The following SLC28A1 variants were observed in gnomAD, a reference collection of about 807,000 sequenced individuals.
SLC28A1 encodes the protein solute carrier family 28 member 1.
SLC28A1 carries 64 observed loss-of-function variants against 74.8 expected under a neutral mutation model. The ratio of observed to expected loss-of-function variants is 0.86; its 90% CI spans 0.70 to 1.05. SLC28A1 has a LOEUF of 1.05. Ranked by LOEUF, SLC28A1 falls within the 50% of genes least tolerant of loss-of-function variation. SLC28A1 has a pLI of 0.00. For synonymous variants in SLC28A1, 359 were observed against 335.0 expected (o/e 1.07, Z -0.78); for missense variants, 828 against 822.8 (o/e 1.01, Z -0.08).
the SLC28A1 span, among the ~76,000 whole-genome samples, chr15:84,972,892 G>A: frequency 6.6e-6 from 1 of 152,146 alleles, no homozygotes; most frequent in South Asian, 2.1e-4. Context: ...TCTGTGGGAG[G>A]GGTTATTTTT....
chr15:84,897,847 C>A (rs545045421), intron 6 of SLC28A1, among the ~76,000 whole-genome samples: 45 of 152,300 alleles, frequency 3.0e-4, no homozygotes, highest in African/African-American at 9.4e-4. Flanking sequence ...ATAAGATGTA[C>A]TTTTTAAGCT....
At chr15:84,944,491 T>C in intron 16 of SLC28A1, 75 bp from the exon 17 acceptor site, 1 of 979,270 alleles carries the variant, frequency 1.0e-6, no homozygotes, top group Non-Finnish European at 1.6e-6. Context: ...GGTCAGCAGA[T>C]GCAGCCCGAG....
At chr15:84,916,000 C>T (rs1969034883) in intron 9 of SLC28A1, among the ~76,000 whole-genome samples, 1 of 151,866 alleles carries the variant, frequency 6.6e-6, no homozygotes, top group African/African-American at 2.4e-5. Context: ...CTCACTCTGT[C>T]ACCCCAGGCT....
chr15:84,950,452 G>A (rs1440497838), downstream of SLC28A1, among the ~76,000 whole-genome samples: 1 of 151,116 alleles, frequency 6.6e-6, no homozygotes, highest in Non-Finnish European at 1.5e-5. Flanking sequence ...AGCTAGGCGC[G>A]GTAGCTCAGG....
the SLC28A1 span, among the ~76,000 whole-genome samples, chr15:84,953,594 GTGACAAGCACC>G: frequency 6.6e-6 from 1 of 152,250 alleles, no homozygotes; most frequent in East Asian, 1.9e-4. Context: ...GCCCAGCATG[GTGACAAGCACC>G]TGCAGTCCTA....
chr15:84,936,630 T>C (rs984564979), intron 15 of SLC28A1, among the ~76,000 whole-genome samples: 13 of 152,210 alleles, frequency 8.5e-5, no homozygotes, highest in Admixed American at 6.5e-4. Context: ...TTTTAAAAAC[T>C]ATAAAAGTTC....
intron 17 of SLC28A1, 35 bp from the exon 18 acceptor site, chr15:84,944,721 G>A: frequency 1.4e-6 from 2 of 1,455,754 alleles, no homozygotes; most frequent in Non-Finnish European, 1.8e-6. Flanking sequence ...GGCTAGCCCG[G>A]GGGCCCTGCC....
intron 9 of SLC28A1, among the ~76,000 whole-genome samples, chr15:84,916,240 C>CAGGTGTGAGCCACCATGCCTGGCTTTTT (rs1555449976): frequency 3.0e-5 from 3 of 98,422 alleles, no homozygotes; most frequent in South Asian, 4.3e-4. Flanking sequence ...GCTGGGATTA[C>CAGGTGTGAGCCACCATGCCTGGCTTTTT]TTTTTTTTTT....
chr15:84,972,761 C>T, the SLC28A1 span, among the ~76,000 whole-genome samples: 4 of 152,230 alleles, frequency 2.6e-5, no homozygotes, highest in African/African-American at 9.6e-5. Flanking sequence ...CTTCTATTCT[C>T]CCAACTGAGA....
chr15:84,920,962 C>G, intron 10 of SLC28A1, 27 bp from the exon 11 acceptor site: 1 of 1,597,034 alleles, frequency 6.3e-7, no homozygotes. Flanking sequence ...GATGTCAGCC[C>G]ACAAAGAACA....
the SLC28A1 span, among the ~76,000 whole-genome samples, chr15:84,960,617 A>T: frequency 6.6e-6 from 1 of 152,104 alleles, no homozygotes; most frequent in Non-Finnish European, 1.5e-5. Flanking sequence ...CCTGTCAGAG[A>T]AGAAAGAGCC....
intron 13 of SLC28A1, among the ~76,000 whole-genome samples, chr15:84,934,071 G>A (rs113552990): frequency 0.033 from 5,046 of 152,312 alleles, 284 homozygotes; most frequent in African/African-American, 0.12. Flanking sequence ...CAGGAGGGCA[G>A]AGCCCTCATG....
intron 11 of SLC28A1, among the ~76,000 whole-genome samples, chr15:84,922,561 C>T (rs1490594034): frequency 2.0e-5 from 3 of 152,162 alleles, no homozygotes; most frequent in Non-Finnish European, 4.4e-5. Context: ...TGGACACTGC[C>T]GTCTCCTCCT....
At chr15:84,934,423 C>T (rs1352359514) in intron 13 of SLC28A1, among the ~76,000 whole-genome samples, 1 of 152,178 alleles carries the variant, frequency 6.6e-6, no homozygotes, top group African/African-American at 2.4e-5. Flanking sequence ...CACTCACCTC[C>T]TAACATCCCG....
intron 2 of SLC28A1, among the ~76,000 whole-genome samples, chr15:84,887,212 G>C (rs1241441100): frequency 1.3e-5 from 2 of 152,228 alleles, no homozygotes; most frequent in African/African-American, 4.8e-5. Flanking sequence ...AATGGTAATA[G>C]TTTTAACCAG....
intron 9 of SLC28A1, among the ~76,000 whole-genome samples, chr15:84,914,043 G>A (rs1968727727): frequency 6.6e-6 from 1 of 152,132 alleles, no homozygotes; most frequent in African/African-American, 2.4e-5. Flanking sequence ...CCATCTCCTT[G>A]GCTCAAGTGA....
At chr15:84,922,046 T>C (rs1398518607) in intron 11 of SLC28A1, among the ~76,000 whole-genome samples, 1 of 152,150 alleles carries the variant, frequency 6.6e-6, no homozygotes, top group Non-Finnish European at 1.5e-5. Flanking sequence ...GGTCTACGCC[T>C]CATTTCCCCC....
At chr15:84,907,949 C>T (rs1486830529) in intron 8 of SLC28A1, among the ~76,000 whole-genome samples, 1 of 152,112 alleles carries the variant, frequency 6.6e-6, no homozygotes, top group African/African-American at 2.4e-5. Context: ...TGACTTGCTG[C>T]CCCTGCAGTC....
At chr15:84,912,512 C>T (rs1296139590) in intron 9 of SLC28A1, among the ~76,000 whole-genome samples, 1 of 152,138 alleles carries the variant, frequency 6.6e-6, no homozygotes, top group East Asian at 1.9e-4. Flanking sequence ...CACCCCTTGG[C>T]TGTATCAGCT....
Sources: allele counts gnomAD v4.1 joint callset (sites outside exome capture counted in the v4.1 genomes callset), GRCh38; gene constraint gnomAD v4.1.1; transcripts MANE v1.5; gene names NCBI Gene and HGNC (gene_info 2026-07-23, HGNC 2026-07-21).